The following NTM variants were observed in gnomAD, a reference collection of about 807,000 sequenced individuals.
NTM encodes neurotrimin, also known as IgLON family member 2.
In NTM, 13 loss-of-function variants were observed where a neutral mutation model predicts 42.1. The ratio of observed to expected loss-of-function variants is 0.31; its 90% confidence interval spans 0.20 to 0.49. The LOEUF is 0.49. Among genes scored for constraint, NTM ranks in the 20% least tolerant of loss-of-function variants. The pLI is 0.99. For synonymous variants in NTM, 187 were observed against 179.2 expected (o/e 1.04, Z -0.35); for missense variants, 373 against 452.8 (o/e 0.82, Z 1.60).
At chr11:131,782,867 C>T (rs1296257914) in intron 1 of NTM, among the ~76,000 whole-genome samples, 1 of 152,090 alleles carries the variant, frequency 6.6e-6, no homozygotes, top group Admixed American at 6.5e-5. Flanking sequence ...AAACCTATAG[C>T]TATTATCATA....
chr11:132,263,131 A>G (rs1355072357), intron 4 of NTM, among the ~76,000 whole-genome samples: 1 of 152,202 alleles, frequency 6.6e-6, no homozygotes, highest in Non-Finnish European at 1.5e-5. Context: ...TTCCAGACCC[A>G]GTGGGGTGGC....
chr11:131,923,174 A>G (rs1322990639), intron 2 of NTM, among the ~76,000 whole-genome samples: 2 of 151,926 alleles, frequency 1.3e-5, no homozygotes, highest in African/African-American at 4.8e-5. Context: ...ACACCTAGAG[A>G]AGTCTGTTAT....
chr11:131,976,840 C>A (rs1322789235), intron 2 of NTM, among the ~76,000 whole-genome samples: 2 of 152,210 alleles, frequency 1.3e-5, no homozygotes, highest in Non-Finnish European at 2.9e-5. Flanking sequence ...GCCCTCATTT[C>A]CATAATTCTG....
intron 1 of NTM, among the ~76,000 whole-genome samples, chr11:131,874,030 A>AATATAATATAATATAATATAATATAT: frequency 1.3e-5 from 1 of 76,638 alleles, no homozygotes; most frequent in African/African-American, 3.7e-5. Flanking sequence ...AATATAATAT[A>AATATAATATAATATAATATAATATAT]ATATATATAT....
At chr11:131,648,101 A>G (rs892421504) in intron 1 of NTM, among the ~76,000 whole-genome samples, 4 of 152,132 alleles carry the variant, frequency 2.6e-5, no homozygotes, top group African/African-American at 9.7e-5. Context: ...AAGTGAGAGC[A>G]TGTGGTATTT....
At chr11:132,297,761 G>A (rs1021768901) in intron 4 of NTM, among the ~76,000 whole-genome samples, 1 of 152,072 alleles carries the variant, frequency 6.6e-6, no homozygotes, top group African/African-American at 2.4e-5. Context: ...CCATCACTAG[G>A]GGATGATCCA....
chr11:132,197,124 A>G (rs182718913), intron 3 of NTM, among the ~76,000 whole-genome samples: 1 of 152,268 alleles, frequency 6.6e-6, no homozygotes, highest in Non-Finnish European at 1.5e-5. Context: ...GAAATAGACC[A>G]TGTCAGCATT....
chr11:131,756,103 A>G (rs538313628), intron 1 of NTM, among the ~76,000 whole-genome samples: 10 of 152,218 alleles, frequency 6.6e-5, no homozygotes, highest in Non-Finnish European at 1.5e-4. Flanking sequence ...CTGAGCTATC[A>G]CCATCAATAC....
At chr11:131,792,858 T>C (rs1462578220) in intron 1 of NTM, among the ~76,000 whole-genome samples, 1 of 152,234 alleles carries the variant, frequency 6.6e-6, no homozygotes, top group African/African-American at 2.4e-5. Context: ...AGTCAAATAT[T>C]TCTTTAGAAT....
At chr11:131,677,528 G>A (rs1042638417) in intron 1 of NTM, among the ~76,000 whole-genome samples, 2 of 152,202 alleles carry the variant, frequency 1.3e-5, no homozygotes, top group African/African-American at 4.8e-5. Flanking sequence ...GGCTGCATAC[G>A]CAGCCATACA....
intron 1 of NTM, among the ~76,000 whole-genome samples, chr11:131,800,282 C>A (rs1000938493): frequency 6.6e-6 from 1 of 152,192 alleles, no homozygotes; most frequent in Non-Finnish European, 1.5e-5. Flanking sequence ...TGGAGTTTCC[C>A]ATTTTACTGA....
chr11:131,961,899 C>T (rs1027445377), intron 2 of NTM, among the ~76,000 whole-genome samples: 5 of 152,124 alleles, frequency 3.3e-5, no homozygotes, highest in Admixed American at 3.3e-4. Context: ...TACTGTGTGC[C>T]TAGTCTAGGA....
At chr11:131,976,886 A>T (rs1217314836) in intron 2 of NTM, among the ~76,000 whole-genome samples, 1 of 152,198 alleles carries the variant, frequency 6.6e-6, no homozygotes, top group African/African-American at 2.4e-5. Context: ...AATTTCTCAC[A>T]ACTGTTCCCT....
At chr11:131,683,384 T>C (rs2658843) in intron 1 of NTM, among the ~76,000 whole-genome samples, 48,407 of 152,100 alleles carry the variant, frequency 0.32, 9,028 homozygotes, top group African/African-American at 0.51. Flanking sequence ...GGAAACAACC[T>C]CTGCCCTCCA....
intron 3 of NTM, among the ~76,000 whole-genome samples, chr11:132,164,758 C>T (rs1017564796): frequency 3.9e-5 from 6 of 152,186 alleles, no homozygotes; most frequent in African/African-American, 1.2e-4. Context: ...TAATGCTGAT[C>T]ACGGGTACAT....
intron 1 of NTM, among the ~76,000 whole-genome samples, chr11:131,483,823 C>A (rs34214686): frequency 0.022 from 3,424 of 152,350 alleles, 50 homozygotes; most frequent in Non-Finnish European, 0.033. Flanking sequence ...CTGTCTTCTG[C>A]CCTTGGCAAT....
chr11:131,667,819 G>C (rs1400417999), intron 1 of NTM, among the ~76,000 whole-genome samples: 4 of 152,186 alleles, frequency 2.6e-5, no homozygotes, highest in Admixed American at 2.6e-4. Context: ...CAAACAGCCT[G>C]GGTGGGCCTG....
intron 2 of NTM, among the ~76,000 whole-genome samples, chr11:132,069,865 A>G (rs1176175000): frequency 6.6e-6 from 1 of 150,502 alleles, no homozygotes; most frequent in Non-Finnish European, 1.5e-5. Context: ...AGCCAAGTTA[A>G]CACGTCACAC....
In NTM at chr11:131,642,448, T is replaced by C. The variant is rs73592218; in HGVS notation, c.83-269116T>C. Among the ~76,000 whole-genome samples the C allele has an allele frequency of 8.4e-3, 1,273 of 152,286 alleles. 16 individuals carry two copies. Among genetic ancestry groups the C allele is most frequent in the African/African-American group, 0.027 (1,116 of 41,546 alleles). On this transcript the variant is annotated intron_variant, in intron 1 of 8. Transcript: ENST00000683400. ...AAACTCCAATAAACTCAGGTATCAC[T>C]CTGGAATTAATGGAGGACAAATTGG...
Sources: gnomAD v4.1 joint callset for allele counts (sites outside exome capture counted in the v4.1 genomes callset) on GRCh38, gnomAD v4.1.1 for gene constraint, MANE v1.5 for transcripts, NCBI Gene and HGNC (gene_info 2026-07-23, HGNC 2026-07-21) for gene names.